SLC26A3: variants seen among roughly 807,000 people sequenced by gnomAD.
SLC26A3 encodes the protein chloride anion exchanger.
In SLC26A3, 64 loss-of-function variants were observed where a neutral mutation model predicts 85.6. The ratio of observed to expected loss-of-function variants is 0.75; its 90% confidence interval spans 0.61 to 0.92. SLC26A3 has a LOEUF of 0.92. SLC26A3 is among the 40% of genes least tolerant of loss of function. The pLI is 0.00. For synonymous variants in SLC26A3, 349 were observed against 336.0 expected (o/e 1.04, Z -0.42); for missense variants, 922 against 927.3 (o/e 0.99, Z 0.07).
intron 3 of SLC26A3, among the ~76,000 whole-genome samples, chr7:107,793,291 C>G (rs1794434444): frequency 6.6e-6 from 1 of 152,082 alleles, no homozygotes; most frequent in Non-Finnish European, 1.5e-5. Flanking sequence ...CACAAATGTT[C>G]AAAATAGCAT....
chr7:107,786,357 T>C (rs1376118496), intron 8 of SLC26A3, among the ~76,000 whole-genome samples: 1 of 152,174 alleles, frequency 6.6e-6, no homozygotes, highest in Non-Finnish European at 1.5e-5. Flanking sequence ...GATGGGGGTC[T>C]TGCTGTGTTG....
At position 107,803,128 on chromosome 7, in the gene SLC26A3, A is replaced by G. The variant is rs1027847404; in HGVS notation, c.-106T>C. The G allele has an allele frequency of 2.0e-5, 3 of 152,350 alleles. No individual in the cohort carries two copies. Among genetic ancestry groups the G allele is most frequent in the Non-Finnish European group, 2.9e-5 (2 of 68,028 alleles). 9.4% of individuals were successfully genotyped at this position (152,350 alleles called of 1,614,324 possible). A position where few individuals can be genotyped will look rare whatever the true frequency, so the allele number is the denominator to read the frequency against. On this transcript the variant is annotated 5_prime_UTR_variant, in exon 1 of 21. Coordinates refer to ENST00000340010, the MANE Select transcript of SLC26A3 (RefSeq NM_000111.3). ...GTTCCTACCTGACACATACTCTGTG[A>G]GGAGCTTCTGCAACAGTGGTACATT...
At chr7:107,787,628 T>C in intron 6 of SLC26A3, 119 bp from the exon 7 acceptor site, 1 of 836,628 alleles carries the variant, frequency 1.2e-6, no homozygotes, top group Non-Finnish European at 1.9e-6. Context: ...AGACTGATAG[T>C]GATTTCCTGT....
chr7:107,787,320 A>G, intron 7 of SLC26A3, 37 bp downstream of exon 7: 2 of 1,607,410 alleles, frequency 1.2e-6, no homozygotes, highest in East Asian at 2.2e-5. Flanking sequence ...TATAAACAGT[A>G]GAGTAGCTAT....
chr7:107,777,893 G>A (rs1256105104), intron 13 of SLC26A3, among the ~76,000 whole-genome samples: 1 of 152,186 alleles, frequency 6.6e-6, no homozygotes, highest in Non-Finnish European at 1.5e-5. Flanking sequence ...TTATAGCTGG[G>A]CGAATAGACT....
chr7:107,800,646 T>C (rs1794583080), intron 1 of SLC26A3, among the ~76,000 whole-genome samples: 1 of 152,260 alleles, frequency 6.6e-6, no homozygotes, highest in South Asian at 2.1e-4. Context: ...TCCTATGACA[T>C]AGTAAGTATA....
chr7:107,786,750 C>A, intron 8 of SLC26A3, 77 bp downstream of exon 8: 2 of 1,224,136 alleles, frequency 1.6e-6, no homozygotes, highest in South Asian at 1.2e-5. Context: ...AACTGCAGTT[C>A]GGATTGTACC....
intron 20 of SLC26A3, 65 bp downstream of exon 20, chr7:107,767,514 A>C: frequency 1.6e-6 from 2 of 1,223,658 alleles, no homozygotes; most frequent in Non-Finnish European, 2.4e-6. Context: ...AAGTGGCCTC[A>C]CTACTTTGAA....
chr7:107,765,973 GT>G (rs372537936), intron 20 of SLC26A3, 95 bp from the exon 21 acceptor site: 2,593 of 914,896 alleles, frequency 2.8e-3, no homozygotes, highest in Middle Eastern at 4.0e-3. Flanking sequence ...GAGTTAACAG[GT>G]TTTTTTTTTG....
In SLC26A3 at chr7:107,784,351, A is replaced by G. The variant is rs2115848867; in HGVS notation, c.972-999T>C. 2.0e-5 allele frequency among the ~76,000 whole-genome samples: 3 copies of G among 152,320 alleles called. No individual in the cohort carries two copies. In the South Asian group the frequency reaches 6.2e-4, roughly 32 times the overall value. ...CACCATAGACAGAATGATGTGATGA[A>G]GATTTACAGTCTAAAGACTTGGGTT... On this transcript the variant is annotated intron_variant, in intron 8 of 20. Coordinates refer to ENST00000340010, the MANE Select transcript of SLC26A3 (RefSeq NM_000111.3).
Position 107,765,879 on chromosome 7 carries a change from C to G in SLC26A3, c.2272-1G>C. 6.2e-7 allele frequency: 1 copy of G among 1,610,376 alleles called. No homozygotes were observed. Among genetic ancestry groups the G allele is most frequent in the South Asian group, 1.1e-5 (1 of 90,982 alleles). ...ATTAGAATTTTGTTTCAACTGGCAC[C>G]TGGAAGAAGACAGAAAGTTCTTGTT... On this transcript the variant is annotated splice_acceptor_variant, in intron 20 of 20. Transcript: ENST00000340010. LOFTEE classifies it high-confidence loss of function.
chr7:107,774,724 T>C (rs1366103682), intron 16 of SLC26A3, 53 bp downstream of exon 16: 20 of 1,292,678 alleles, frequency 1.5e-5, no homozygotes, highest in Non-Finnish European at 2.1e-5. Flanking sequence ...CCTTGAATCA[T>C]CCTTTACTAA....
chr7:107,773,039 A>T (rs966060174), intron 17 of SLC26A3, among the ~76,000 whole-genome samples: 1 of 152,196 alleles, frequency 6.6e-6, no homozygotes, highest in Non-Finnish European at 1.5e-5. Flanking sequence ...TTTTCTTTTT[A>T]TATGTTTCTG....
At position 107,769,259 on chromosome 7, in the gene SLC26A3, T is replaced by TA. The variant is rs1793964781; in HGVS notation, c.2063-1352dup. ...CCCAAAGGAATATAAATCATTCTTT[T>TA]ATAAAGACGCATGCATGCATACATT... On this transcript the variant is annotated intron_variant, in intron 18 of 20. Transcript: ENST00000340010. 2.0e-5 allele frequency among the ~76,000 whole-genome samples: 3 copies of TA among 152,140 alleles called. No individual in the cohort carries two copies. The South Asian group carries it at 6.2e-4, about 32-fold the overall frequency.
At position 107,791,110 on chromosome 7, in the gene SLC26A3, C is replaced by T; in HGVS notation, c.508G>A (p.Asp170Asn). The T allele has an allele frequency of 6.2e-7, 1 of 1,614,208 alleles. No homozygotes were observed. Among genetic ancestry groups the T allele is most frequent in the South Asian group, 1.1e-5 (1 of 91,086 alleles). The part of the protein sequence containing the change: ...PNNSNNSSLL[D>N]DERVRVAAAA... Reference sequence around the variant, plus strand: ...GCCGCCACCCTCACCCTCTCGTCATCCAGTAGTGAAGAATTATTCGAGTTG... The same window carrying T: ...GCCGCCACCCTCACCCTCTCGTCATTCAGTAGTGAAGAATTATTCGAGTTG... The change falls in exon 5 of 21, where the codon GAT (aspartate) becomes AAT (asparagine). Residue 170 changes from aspartate to asparagine, a missense_variant. Asp to Asn is a conservative substitution (Grantham distance 23). Coordinates refer to ENST00000340010, the MANE Select transcript of SLC26A3 (RefSeq NM_000111.3).
Position 107,772,073 on chromosome 7 carries a change from C to T in SLC26A3, c.2043G>A (p.Val681=), listed in dbSNP as rs143786154. ...LQEFIRIKVD[V]YIVGTDDDFI... ...ACTTACCATCAGTTCCAACGATATA[C>T]ACATCTACCTTGATCCTGATAAATT... Residue 681 remains valine (V), a synonymous_variant, in exon 18 of 21, where the codon GTG becomes GTA. Coordinates refer to ENST00000340010, the MANE Select transcript of SLC26A3 (RefSeq NM_000111.3). 6.2e-7 allele frequency: 1 copy of T among 1,612,502 alleles called. No homozygotes were observed. Among genetic ancestry groups the T allele is most frequent in the Admixed American group, 1.7e-5 (1 of 60,016 alleles).
In SLC26A3 at chr7:107,779,729, T is replaced by A; in HGVS notation, c.1346A>T (p.Lys449Met). 6.2e-7 allele frequency: 1 copy of A among 1,614,050 alleles called. No homozygotes were observed. The highest frequency in any genetic ancestry group is 1.3e-5 in the African/African-American group (1 of 75,042). Residue 449 changes from lysine to methionine, a missense_variant, in exon 12 of 21, where the codon AAG becomes ATG. Lys to Met is a moderately conservative substitution (Grantham distance 95). Transcript: ENST00000340010. ...VLAALALGNL[K>M]GMLMQFAEIG... ...TTCAGCAAACTGCATCAGCATTCCCTTTAAGTTTCCCAATGCTAAAGCTGC... is the reference window on the plus strand; with the variant it reads ...TTCAGCAAACTGCATCAGCATTCCCATTAAGTTTCCCAATGCTAAAGCTGC...
chr7:107,765,821 A>C lies in SLC26A3; in HGVS notation c.*34T>G. Reference sequence around the variant, plus strand: ...GGGTATAAAGTTGTTTTTATGTCATAGTCAGATGAAGATCCTTCTGAATTA... The same window carrying C: ...GGGTATAAAGTTGTTTTTATGTCATCGTCAGATGAAGATCCTTCTGAATTA... On this transcript the variant is annotated 3_prime_UTR_variant, in exon 21 of 21. Coordinates refer to ENST00000340010, the MANE Select transcript of SLC26A3 (RefSeq NM_000111.3). 2 of 1,548,354 alleles carry C rather than the reference A, an allele frequency of 1.3e-6. No homozygotes were observed. The highest frequency in any genetic ancestry group is 4.5e-5 in the East Asian group (2 of 44,470).
intron 18 of SLC26A3, among the ~76,000 whole-genome samples, chr7:107,770,014 C>CTTTCTT (rs935321974): frequency 2.7e-5 from 1 of 37,296 alleles, no homozygotes; most frequent in African/African-American, 2.8e-4. Context: ...TTCTTTCTTT[C>CTTTCTT]TTTCTTTCTT....
Sources: gnomAD v4.1 joint callset for allele counts (sites outside exome capture counted in the v4.1 genomes callset) on GRCh38, gnomAD v4.1.1 for gene constraint, MANE v1.5 for transcripts, NCBI Gene and HGNC (gene_info 2026-07-23, HGNC 2026-07-21) for gene names.